Variants in SAMM50 observed in about 807,000 individuals in gnomAD.
SAMM50 encodes SAMM50 sorting and assembly machinery component.
In SAMM50, 47 loss-of-function variants were observed where a neutral mutation model predicts 66.9. That is an observed-to-expected ratio of 0.70 (90% CI 0.56 to 0.90). The LOEUF (loss-of-function observed/expected upper bound fraction) is 0.90, where lower values mean the gene tolerates loss of function less well. Ranked by LOEUF, SAMM50 falls within the 40% of genes least tolerant of loss-of-function variation. SAMM50 has a pLI of 0.00. For missense variants in SAMM50, 535 were observed against 595.3 expected, an observed-to-expected ratio of 0.90 and a Z score of 1.05; for synonymous variants, 191 against 214.1, an observed-to-expected ratio of 0.89 and a Z score of 0.94.
intron 14 of SAMM50, 45 bp downstream of exon 14, chr22:43,990,451 G>A: frequency 1.3e-6 from 2 of 1,585,528 alleles, no homozygotes; most frequent in Non-Finnish European, 1.7e-6. Flanking sequence ...CCACTCTCCA[G>A]TAATTTTATT....
At chr22:43,996,311 C>A (rs765878246) in intron 14 of SAMM50, 27 bp from the exon 15 acceptor site, 7 of 1,613,648 alleles carry the variant, frequency 4.3e-6, no homozygotes, top group Non-Finnish European at 5.1e-6. Context: ...GAGCGGCCGC[C>A]GCATCTGATC....
chr22:43,955,663 G>A, intron 1 of SAMM50, 65 bp downstream of exon 1: 1 of 1,504,920 alleles, frequency 6.6e-7, no homozygotes, highest in Non-Finnish European at 9.0e-7. Flanking sequence ...GGGCGCCGCG[G>A]GGAGACGCTC....
Position 43,989,099 on chromosome 22 carries a change from T to A in SAMM50, c.1076-12T>A. ...GGACCTTGTTTTTGTTCTGCACCCC[T>A]CCTTTGCTTAGGAGACTACCTAGGT... On this transcript the variant is annotated splice_polypyrimidine_tract_variant and intron_variant, in intron 12 of 14. Transcript: ENST00000350028. 1 of 1,608,094 alleles carries A rather than the reference T, an allele frequency of 6.2e-7. No individual in the cohort carries two copies. The highest frequency in any genetic ancestry group is 1.1e-5 in the South Asian group (1 of 89,844).
At chr22:43,987,384 A>C (rs1438929316) in intron 12 of SAMM50, 2 of 152,272 alleles carry the variant, frequency 1.3e-5, no homozygotes, top group African/African-American at 4.8e-5. Flanking sequence ...GCATGAGTAA[A>C]TCTCAGAAAC....
chr22:43,988,867 C>T (rs1027542572), intron 12 of SAMM50: 5 of 385,064 alleles, frequency 1.3e-5, no homozygotes, highest in African/African-American at 2.0e-5. Flanking sequence ...ATTCCTTCCT[C>T]AACGACATTG....
chr22:43,990,242 C>T, intron 13 of SAMM50, 23 bp from the exon 14 acceptor site: 1 of 1,614,070 alleles, frequency 6.2e-7, no homozygotes, highest in African/African-American at 1.3e-5. Context: ...CGCACTGTTG[C>T]TCACAGGTCT....
chr22:43,981,487 AT>A (rs779490179), intron 11 of SAMM50, 26 bp downstream of exon 11: 20 of 1,481,290 alleles, frequency 1.4e-5, no homozygotes, highest in Non-Finnish European at 1.7e-5. Flanking sequence ...TGAATGGATA[AT>A]TTGCACATAT....
chr22:43,973,471 C>G, intron 7 of SAMM50, 148 bp downstream of exon 7: 1 of 600,558 alleles, frequency 1.7e-6, no homozygotes, highest in South Asian at 1.8e-5. Flanking sequence ...TGCCTCTTCT[C>G]TAGCCGAGTA....
intron 7 of SAMM50, 166 bp from the exon 8 acceptor site, chr22:43,975,889 G>T: frequency 6.0e-6 from 4 of 670,730 alleles, no homozygotes; most frequent in South Asian, 2.1e-5. Context: ...CTTCCCTCTG[G>T]TTTTCTCTTC....
intron 8 of SAMM50, 78 bp downstream of exon 8, chr22:43,976,261 A>G (rs2050231391): frequency 1.3e-6 from 2 of 1,512,818 alleles, no homozygotes; most frequent in Admixed American, 3.7e-5. Flanking sequence ...GTCTTTGCCA[A>G]TATCAGGGCT....
rs1294138206 is a variant in SAMM50, at chr22:43,987,429, C to A, written c.1076-1682C>A. 4.6e-5 allele frequency: 7 copies of A among 152,368 alleles called. No individual in the cohort carries two copies. The East Asian group carries it at 1.3e-3, about 29-fold the overall frequency. The allele number at this position is 152,368 out of a possible 1,614,324, so 9.4% of individuals were successfully genotyped here. A position where few individuals can be genotyped will look rare whatever the true frequency, so the allele number is the denominator to read the frequency against. ...GGAAAAGCTAGACCCAGAGGAATGC[C>A]TCCTGGAAGATCCCATTTATAAAGC... On this transcript the variant is annotated intron_variant, in intron 12 of 14. Transcript: ENST00000350028.
Sources: gnomAD v4.1 joint callset for allele counts on GRCh38, gnomAD v4.1.1 for gene constraint, MANE v1.5 for transcripts, NCBI Gene and HGNC (gene_info 2026-07-23, HGNC 2026-07-21) for gene names.